COLEC10: variants seen among roughly 807,000 people sequenced by gnomAD.
The protein encoded by COLEC10 is collectin-10.
A neutral mutation model predicts 28.4 loss-of-function variants in COLEC10; 22 were observed. The observed-to-expected ratio is 0.78, with a 90% confidence interval of 0.55 to 1.11. The LOEUF (loss-of-function observed/expected upper bound fraction) is 1.11, where lower values mean the gene tolerates loss of function less well. COLEC10 is among the 50% of genes least tolerant of loss of function. The pLI is 0.00. For synonymous variants in COLEC10, 125 were observed against 116.1 expected, an observed-to-expected ratio of 1.08 and a Z score of -0.49; for missense variants, 361 against 344.1, an observed-to-expected ratio of 1.05 and a Z score of -0.39.
At chr8:118,961,009 C>T in the COLEC10 span, among the ~76,000 whole-genome samples, 1 of 152,112 alleles carries the variant, frequency 6.6e-6, no homozygotes. Context: ...GTCATGATAT[C>T]TTTAAGTAGG....
chr8:119,094,455 CCTT>C (rs1405855809), intron 3 of COLEC10, among the ~76,000 whole-genome samples: 1 of 152,168 alleles, frequency 6.6e-6, no homozygotes, highest in Non-Finnish European at 1.5e-5. Context: ...TTACATTAAT[CCTT>C]CTGCTAAGTA....
chr8:119,051,409 T>C (rs1204764949), intron 2 of COLEC10, among the ~76,000 whole-genome samples: 3 of 152,176 alleles, frequency 2.0e-5, no homozygotes, highest in Non-Finnish European at 4.4e-5. Flanking sequence ...TACTGTATTT[T>C]TAAAGTGAAG....
At chr8:119,070,463 CT>C (rs1815083812) in intron 1 of COLEC10, among the ~76,000 whole-genome samples, 2 of 138,938 alleles carry the variant, frequency 1.4e-5, no homozygotes, top group Non-Finnish European at 3.1e-5. Flanking sequence ...CTCTCTCTCT[CT>C]CTCTCTCTCT....
At chr8:119,050,476 A>C (rs1258219134) in intron 2 of COLEC10, among the ~76,000 whole-genome samples, 1 of 152,246 alleles carries the variant, frequency 6.6e-6, no homozygotes, top group Non-Finnish European at 1.5e-5. Context: ...CACCAGATAA[A>C]GACTATGAGA....
intron 1 of COLEC10, among the ~76,000 whole-genome samples, chr8:119,086,810 G>A (rs1305461714): frequency 6.6e-6 from 1 of 152,164 alleles, no homozygotes; most frequent in Non-Finnish European, 1.5e-5. Flanking sequence ...GCCTTTTCAT[G>A]AGCAGGACGC....
At chr8:119,077,243 A>ATTTT (rs762180766) in intron 1 of COLEC10, among the ~76,000 whole-genome samples, 13,884 of 89,138 alleles carry the variant, frequency 0.16, 2,387 homozygotes, top group Non-Finnish European at 0.2. Context: ...GTAGAGAATG[A>ATTTT]TTTTTTTTTT....
intron 1 of COLEC10, among the ~76,000 whole-genome samples, chr8:119,072,530 C>A (rs1815145105): frequency 6.6e-6 from 1 of 152,110 alleles, no homozygotes; most frequent in African/African-American, 2.4e-5. Flanking sequence ...AGCTCAAGGC[C>A]ACAGAGCCAG....
At chr8:118,960,785 G>GGAA in the COLEC10 span, among the ~76,000 whole-genome samples, 3 of 72,556 alleles carry the variant, frequency 4.1e-5, no homozygotes, top group African/African-American at 1.5e-4. Flanking sequence ...GAGACTCTGT[G>GGAA]AAAAAAAAAA....
the COLEC10 span, among the ~76,000 whole-genome samples, chr8:118,971,519 G>A: frequency 6.6e-6 from 1 of 151,914 alleles, no homozygotes; most frequent in African/African-American, 2.4e-5. Flanking sequence ...AAAATAGGTA[G>A]CTCCAAATAG....
At chr8:119,005,683 A>G (rs1813781517) in intron 1 of COLEC10, among the ~76,000 whole-genome samples, 1 of 152,152 alleles carries the variant, frequency 6.6e-6, no homozygotes, top group South Asian at 2.1e-4. Context: ...GTGTTAATAT[A>G]AAACAGACCT....
At chr8:118,986,623 G>A in the COLEC10 span, among the ~76,000 whole-genome samples, 2 of 152,258 alleles carry the variant, frequency 1.3e-5, no homozygotes, top group East Asian at 3.9e-4. Flanking sequence ...AAGCCAAAAT[G>A]TAGAAACAAC....
At chr8:119,002,838 G>A (rs1398323416) in intron 1 of COLEC10, among the ~76,000 whole-genome samples, 1 of 152,130 alleles carries the variant, frequency 6.6e-6, no homozygotes, top group East Asian at 1.9e-4. Context: ...ATATATCACT[G>A]AAGACAGCTG....
chr8:119,084,523 C>T (rs1815431816), intron 1 of COLEC10, among the ~76,000 whole-genome samples: 1 of 152,222 alleles, frequency 6.6e-6, no homozygotes. Context: ...GTCTACTTCT[C>T]TTCTAACTAC....
chr8:119,085,414 G>A (rs890048163), intron 1 of COLEC10, among the ~76,000 whole-genome samples: 1 of 152,014 alleles, frequency 6.6e-6, no homozygotes, highest in Non-Finnish European at 1.5e-5. Flanking sequence ...AGAGGTATGG[G>A]GCATAATTGA....
chr8:118,990,728 A>G (rs1213203618), upstream of COLEC10, among the ~76,000 whole-genome samples: 1 of 152,178 alleles, frequency 6.6e-6, no homozygotes, highest in Non-Finnish European at 1.5e-5. Flanking sequence ...ATATGAAACC[A>G]TGAAAGGAAC....
intron 1 of COLEC10, among the ~76,000 whole-genome samples, chr8:119,087,412 T>C (rs919961167): frequency 2.0e-5 from 3 of 152,190 alleles, no homozygotes; most frequent in African/African-American, 7.2e-5. Flanking sequence ...AAAATACTTT[T>C]CTAGCTTTAC....
intron 1 of COLEC10, among the ~76,000 whole-genome samples, chr8:119,078,790 T>TTACAAAGGTACATTA (rs1815306102): frequency 6.6e-6 from 1 of 152,130 alleles, no homozygotes; most frequent in African/African-American, 2.4e-5. Flanking sequence ...AATACAGTTA[T>TTACAAAGGTACATTA]CAAAGGTAAT....
the COLEC10 span, among the ~76,000 whole-genome samples, chr8:118,967,011 G>C: frequency 6.6e-6 from 1 of 152,016 alleles, no homozygotes; most frequent in Non-Finnish European, 1.5e-5. Flanking sequence ...ACACCACTTT[G>C]AGTTCCTAGA....
At chr8:118,987,765 T>A in the COLEC10 span, among the ~76,000 whole-genome samples, 1 of 152,150 alleles carries the variant, frequency 6.6e-6, no homozygotes, top group Non-Finnish European at 1.5e-5. Context: ...TTACCCATAA[T>A]CCTATCTGAA....
Sources: allele counts gnomAD v4.1 joint callset (sites outside exome capture counted in the v4.1 genomes callset), GRCh38; gene constraint gnomAD v4.1.1; transcripts MANE v1.5; gene names NCBI Gene and HGNC (gene_info 2026-07-23, HGNC 2026-07-21).